The following GSE1 variants were observed in gnomAD, a reference collection of about 807,000 sequenced individuals.
GSE1 encodes the protein Gse1 coiled-coil protein.
Under a neutral mutation model 112.6 loss-of-function variants are expected in GSE1, and 32 were observed. The ratio of observed to expected loss-of-function variants is 0.28; its 90% CI spans 0.21 to 0.38. The LOEUF is 0.38. GSE1 is among the 10% of genes least tolerant of loss of function. The pLI, the probability that GSE1 is intolerant of heterozygous loss-of-function variation, is 1.00. For missense variants in GSE1, 2,348 were observed against 1,699.2 expected, an observed-to-expected ratio of 1.38 and a Z score of -6.71; for synonymous variants, 1,115 against 735.6, an observed-to-expected ratio of 1.52 and a Z score of -8.35.
upstream of GSE1, among the ~76,000 whole-genome samples, chr16:85,612,276 C>T (rs2048041172): frequency 6.8e-6 from 1 of 146,222 alleles, no homozygotes; most frequent in Non-Finnish European, 1.5e-5. Context: ...TGGGCGGAGC[C>T]GGGGGGTGGG....
rs59687856 is a variant in GSE1, at chr16:85,478,839, T to TTTTCTTTC, written c.2464+121278_2464+121285dup. On this transcript the variant is annotated intron_variant, in intron 2 of 2. Transcript: ENST00000637419. Reference sequence around the variant, plus strand: ...TGCACCACCATGCCCCGCTCATTTATTTTCTTTCTTTCTTTCTTTCTTTCT... The same window carrying TTTTCTTTC: ...TGCACCACCATGCCCCGCTCATTTATTTTCTTTCTTTCTTTCTTTCTTTCTTTCTTTCT... 2.4e-4 allele frequency among the ~76,000 whole-genome samples: 25 copies of TTTTCTTTC among 102,774 alleles called. 1 individual carries two copies. The highest frequency in any genetic ancestry group is 7.4e-4 in the Admixed American group (7 of 9,442). The allele number at this position is 102,774 out of a possible 152,430, so 67.4% of individuals were successfully genotyped here.
At chr16:85,302,120 T>G (rs2045543543) in intron 1 of GSE1, among the ~76,000 whole-genome samples, 1 of 152,004 alleles carries the variant, frequency 6.6e-6, no homozygotes, top group African/African-American at 2.4e-5. Context: ...ACGTCCAATT[T>G]CCCGTCTTGG....
chr16:85,525,697 T>C (rs551359050), intron 2 of GSE1, among the ~76,000 whole-genome samples: 2 of 152,348 alleles, frequency 1.3e-5, no homozygotes, highest in South Asian at 2.1e-4. Flanking sequence ...GATTAGACCA[T>C]GGACTTTGCC....
intron 2 of GSE1, among the ~76,000 whole-genome samples, chr16:85,546,465 C>T (rs1252852109): frequency 6.6e-6 from 1 of 152,178 alleles, no homozygotes; most frequent in Non-Finnish European, 1.5e-5. Flanking sequence ...AGAAGTTGTA[C>T]AGTAGATATT....
chr16:85,619,733 G>A (rs946702968), intron 1 of GSE1, among the ~76,000 whole-genome samples: 14 of 152,190 alleles, frequency 9.2e-5, no homozygotes, highest in African/African-American at 2.7e-4. Flanking sequence ...CAGGCGTGGT[G>A]GGGGGACGTT....
At chr16:85,619,317 C>T (rs1353946290) in intron 1 of GSE1, among the ~76,000 whole-genome samples, 1 of 152,110 alleles carries the variant, frequency 6.6e-6, no homozygotes, top group African/African-American at 2.4e-5. Flanking sequence ...AGGGTATCGA[C>T]CGCCCAGCTT....
intron 14 of GSE1, 126 bp downstream of exon 14, chr16:85,668,550 G>T: frequency 1.5e-6 from 1 of 662,144 alleles, no homozygotes; most frequent in Non-Finnish European, 2.6e-6. Context: ...GGGCACAGTA[G>T]ATATGAATAC....
At chr16:85,336,045 T>G (rs2046476209) in intron 1 of GSE1, among the ~76,000 whole-genome samples, 2 of 152,068 alleles carry the variant, frequency 1.3e-5, no homozygotes, top group Non-Finnish European at 2.9e-5. Context: ...CCCTAGTGTC[T>G]CCGAGATATG....
At chr16:85,389,752 C>T (rs2047793705) in intron 2 of GSE1, among the ~76,000 whole-genome samples, 1 of 152,196 alleles carries the variant, frequency 6.6e-6, no homozygotes, top group South Asian at 2.1e-4. Context: ...CTGCTTGGAG[C>T]CCTTTACCTG....
chr16:85,210,786 C>A (rs76829394), intron 1 of GSE1, among the ~76,000 whole-genome samples: 1,595 of 152,310 alleles, frequency 0.01, 21 homozygotes, highest in African/African-American at 0.036. Context: ...AATGTTGTCA[C>A]CGTGTCATCT....
chr16:85,618,608 C>A (rs1000518766), intron 1 of GSE1, among the ~76,000 whole-genome samples: 3 of 152,204 alleles, frequency 2.0e-5, no homozygotes, highest in Admixed American at 2.0e-4. Context: ...TTACCAAGTG[C>A]CCAGTACAGC....
rs752084590 is a variant in GSE1 at position 85,478,899 on chromosome 16, CTT to C, written c.2464+121258_2464+121259del. On this transcript the variant is annotated intron_variant, in intron 2 of 2. Coordinates refer to the GSE1 transcript ENST00000637419. ...TCTTTCTTTCTTTCTTTCTTTCTTT[CTT>C]TCTTTCTTTCTTTCTTTCTTTCTTT... Among the ~76,000 whole-genome samples, 90 of 76,580 alleles carry C rather than the reference CTT, an allele frequency of 1.2e-3. 2 individuals are homozygous for C. Among genetic ancestry groups the C allele is most frequent in the African/African-American group, 2.5e-3 (38 of 15,400 alleles). 50.2% of individuals were successfully genotyped at this position (76,580 alleles called of 152,430 possible).
chr16:85,530,169 C>G (rs1327178961), intron 2 of GSE1, among the ~76,000 whole-genome samples: 2 of 152,220 alleles, frequency 1.3e-5, no homozygotes, highest in African/African-American at 4.8e-5. Context: ...CCAGCTCAGC[C>G]GTCTGCCTTG....
intron 2 of GSE1, among the ~76,000 whole-genome samples, chr16:85,645,674 C>G (rs1056120782): frequency 6.6e-6 from 1 of 152,246 alleles, no homozygotes. Context: ...CGCGTGCCCA[C>G]TCCGGACACA....
rs1464269698 is a variant in GSE1 at position 85,613,409 on chromosome 16, C to A, written c.7+11C>A. ...GCCCTGGCATGAAAGGTGAGCGCGC[C>A]GCACCCGGCCGGGGACGGGGTCCTC... On this transcript the variant is annotated intron_variant, in intron 1 of 15. Coordinates refer to ENST00000253458, the MANE Select transcript of GSE1 (RefSeq NM_014615.5). The A allele has an allele frequency of 6.4e-7, 1 of 1,555,108 alleles. No individual in the cohort carries two copies. Among genetic ancestry groups the A allele is most frequent in the Admixed American group, 1.9e-5 (1 of 52,232 alleles).
chr16:85,479,151 A>C (rs1432961419), intron 2 of GSE1, among the ~76,000 whole-genome samples: 6 of 139,594 alleles, frequency 4.3e-5, no homozygotes, highest in African/African-American at 1.4e-4. Context: ...CCTCCCAAGT[A>C]GCTGGGACTA....
chr16:85,390,098 T>C (rs1395272310), intron 2 of GSE1, among the ~76,000 whole-genome samples: 1 of 152,380 alleles, frequency 6.6e-6, no homozygotes, highest in East Asian at 1.9e-4. Flanking sequence ...TTTATCTATT[T>C]ATAAAATTAT....
At chr16:85,566,556 C>T (rs572977351) in intron 1 of GSE1, among the ~76,000 whole-genome samples, 1 of 152,210 alleles carries the variant, frequency 6.6e-6, no homozygotes, top group African/African-American at 2.4e-5. Context: ...ATTTCTTCTT[C>T]CACCTCCCCA....
intron 2 of GSE1, among the ~76,000 whole-genome samples, chr16:85,429,375 A>G (rs11646601): frequency 0.19 from 29,622 of 152,202 alleles, 3,428 homozygotes; most frequent in East Asian, 0.5. Flanking sequence ...TCCATGCAGG[A>G]GTTGCGCTGC....
Sources: allele counts gnomAD v4.1 joint callset (sites outside exome capture counted in the v4.1 genomes callset), GRCh38; gene constraint gnomAD v4.1.1; transcripts MANE v1.5; gene names NCBI Gene and HGNC (gene_info 2026-07-23, HGNC 2026-07-21).